Variants in PTPRZ1 observed in about 807,000 individuals in gnomAD.
The protein encoded by PTPRZ1 is protein tyrosine phosphatase receptor type Z1.
Under a neutral mutation model 214.1 loss-of-function variants are expected in PTPRZ1, and 82 were observed. The observed-to-expected ratio is 0.38, with a 90% confidence interval of 0.32 to 0.46. PTPRZ1 has a LOEUF of 0.46. Among genes scored for constraint, PTPRZ1 ranks in the 20% least tolerant of loss-of-function variants. The probability of loss-of-function intolerance (pLI) is 1.00; values close to 1 mark genes in which losing one functional copy is unlikely to be tolerated. For synonymous variants in PTPRZ1, 945 were observed against 987.9 expected, an observed-to-expected ratio of 0.96 and a Z score of 0.81; for missense variants, 2,603 against 2,748.7, an observed-to-expected ratio of 0.95 and a Z score of 1.19.
intron 1 of PTPRZ1, among the ~76,000 whole-genome samples, chr7:121,892,315 T>C (rs1794656960): frequency 1.3e-5 from 2 of 152,246 alleles, no homozygotes; most frequent in East Asian, 3.9e-4. Context: ...TTTTATGTTA[T>C]GGCATTTAGT....
At chr7:122,049,086 A>G (rs1232816712) in intron 23 of PTPRZ1, among the ~76,000 whole-genome samples, 3 of 152,162 alleles carry the variant, frequency 2.0e-5, no homozygotes, top group Non-Finnish European at 4.4e-5. Flanking sequence ...ACATAAAGAA[A>G]CATTATGACC....
chr7:121,965,008 T>C (rs192738004), intron 2 of PTPRZ1, among the ~76,000 whole-genome samples: 1 of 152,286 alleles, frequency 6.6e-6, no homozygotes, highest in African/African-American at 2.4e-5. Flanking sequence ...CATGTTTTAT[T>C]TTGAGTGAGA....
At chr7:122,051,736 C>A in intron 24 of PTPRZ1, 130 bp from the exon 25 acceptor site, 1 of 930,726 alleles carries the variant, frequency 1.1e-6, no homozygotes, top group Non-Finnish European at 1.7e-6. Context: ...AGATCAGAGA[C>A]ACTTCAACTT....
chr7:122,016,773 T>C (rs1438689726), intron 12 of PTPRZ1, among the ~76,000 whole-genome samples: 3 of 151,810 alleles, frequency 2.0e-5, no homozygotes, highest in Non-Finnish European at 4.4e-5. Context: ...ATTATATATA[T>C]ATATACCCAT....
chr7:121,903,659 C>T (rs982763169), intron 1 of PTPRZ1, among the ~76,000 whole-genome samples: 9 of 152,072 alleles, frequency 5.9e-5, no homozygotes, highest in Non-Finnish European at 1.2e-4. Context: ...TTTGTGCTTT[C>T]GGCTCACTTT....
chr7:122,007,158 A>G (rs1388530266), intron 11 of PTPRZ1, among the ~76,000 whole-genome samples: 1 of 152,162 alleles, frequency 6.6e-6, no homozygotes, highest in African/African-American at 2.4e-5. Context: ...AGAATTAAAA[A>G]TCAATGTCAT....
chr7:121,917,990 TTTATTATA>T, intron 1 of PTPRZ1, among the ~76,000 whole-genome samples: 1 of 152,130 alleles, frequency 6.6e-6, no homozygotes, highest in African/African-American at 2.4e-5. Flanking sequence ...AAATTATCAA[TTTATTATA>T]GTAAATGTGC....
chr7:122,059,557 CTATTGA>C (rs1792496866), intron 28 of PTPRZ1, 190 bp from the exon 29 acceptor site: 2 of 580,584 alleles, frequency 3.4e-6, no homozygotes, highest in Non-Finnish European at 5.8e-6. Flanking sequence ...AAGTATTCCA[CTATTGA>C]TATCATGAAC....
At chr7:121,931,435 T>A (rs1795921516) in intron 2 of PTPRZ1, among the ~76,000 whole-genome samples, 1 of 152,062 alleles carries the variant, frequency 6.6e-6, no homozygotes, top group Non-Finnish European at 1.5e-5. Flanking sequence ...AAACAAACTT[T>A]AATGCACCCT....
chr7:121,964,377 G>A (rs1457743282), intron 2 of PTPRZ1, among the ~76,000 whole-genome samples: 1 of 152,202 alleles, frequency 6.6e-6, no homozygotes, highest in Non-Finnish European at 1.5e-5. Flanking sequence ...CAGCAGGAGA[G>A]AGAAGAATCA....
intron 2 of PTPRZ1, among the ~76,000 whole-genome samples, chr7:121,953,805 C>T (rs148419664): frequency 1.9e-4 from 29 of 151,924 alleles, no homozygotes; most frequent in East Asian, 3.9e-4. Flanking sequence ...AACGGTGATT[C>T]GGTGATTGTT....
chr7:121,885,206 C>T (rs1400086453), intron 1 of PTPRZ1, among the ~76,000 whole-genome samples: 2 of 152,146 alleles, frequency 1.3e-5, no homozygotes, highest in African/African-American at 4.8e-5. Context: ...CTGTTCAACA[C>T]CAACCACTAG....
At chr7:121,988,950 G>T (rs1378459796) in intron 8 of PTPRZ1, among the ~76,000 whole-genome samples, 1 of 152,106 alleles carries the variant, frequency 6.6e-6, no homozygotes, top group African/African-American at 2.4e-5. Flanking sequence ...TCCAGGAAAA[G>T]AAAGATTCTA....
intron 1 of PTPRZ1, among the ~76,000 whole-genome samples, chr7:121,895,958 A>C (rs1794772369): frequency 6.6e-6 from 1 of 152,166 alleles, no homozygotes; most frequent in South Asian, 2.1e-4. Flanking sequence ...CCTTCTCGCC[A>C]AGTGTTACCA....
chr7:122,054,635 T>C (rs1187283533), intron 26 of PTPRZ1, among the ~76,000 whole-genome samples: 1 of 152,110 alleles, frequency 6.6e-6, no homozygotes, highest in Admixed American at 6.6e-5. Flanking sequence ...GCTGGAAATT[T>C]CTGAGCTCTT....
chr7:122,051,406 A>AT (rs1792179886), intron 23 of PTPRZ1, 22 bp from the exon 24 acceptor site: 6 of 1,583,292 alleles, frequency 3.8e-6, no homozygotes, highest in Middle Eastern at 3.3e-4. Context: ...TAACCTATAT[A>AT]TTTTTTTACT....
intron 27 of PTPRZ1, among the ~76,000 whole-genome samples, chr7:122,058,519 A>G (rs1251481684): frequency 6.6e-6 from 1 of 152,122 alleles, no homozygotes; most frequent in African/African-American, 2.4e-5. Context: ...ACATAGTTTC[A>G]TGGTTTGTAA....
chr7:121,895,072 A>G (rs963258777), intron 1 of PTPRZ1, among the ~76,000 whole-genome samples: 18 of 152,206 alleles, frequency 1.2e-4, no homozygotes, highest in Non-Finnish European at 1.6e-4. Context: ...AATTGTTTAT[A>G]TCTTTTGATC....
chr7:121,907,374 T>C (rs1795147219), intron 1 of PTPRZ1, among the ~76,000 whole-genome samples: 1 of 152,046 alleles, frequency 6.6e-6, no homozygotes, highest in Non-Finnish European at 1.5e-5. Context: ...TTATTTTACC[T>C]AATTATATGT....
Sources: allele counts gnomAD v4.1 joint callset (sites outside exome capture counted in the v4.1 genomes callset), GRCh38; gene constraint gnomAD v4.1.1; transcripts MANE v1.5; gene names NCBI Gene and HGNC (gene_info 2026-07-23, HGNC 2026-07-21).